Variants in NTM observed in about 807,000 individuals in gnomAD.
NTM encodes neurotrimin, also known as IgLON family member 2.
In NTM, 13 loss-of-function variants were observed where a neutral mutation model predicts 42.1. The observed-to-expected ratio is 0.31, with a 90% CI of 0.20 to 0.49. The LOEUF (loss-of-function observed/expected upper bound fraction) is 0.49. NTM is among the 20% of genes least tolerant of loss of function. The probability of loss-of-function intolerance (pLI) is 0.99; values close to 1 mark genes in which losing one functional copy is unlikely to be tolerated. For synonymous variants in NTM, 187 were observed against 179.2 expected, an observed-to-expected ratio of 1.04 and a Z score of -0.35; for missense variants, 373 against 452.8, an observed-to-expected ratio of 0.82 and a Z score of 1.60.
intron 1 of NTM, among the ~76,000 whole-genome samples, chr11:131,451,316 AT>A (rs533369628): frequency 1.8e-4 from 28 of 152,290 alleles, no homozygotes; most frequent in African/African-American, 6.5e-4. Context: ...ATAGATGAGT[AT>A]TTTCTCTGGA....
At chr11:132,016,479 T>G (rs1294160331) in intron 2 of NTM, among the ~76,000 whole-genome samples, 2 of 152,058 alleles carry the variant, frequency 1.3e-5, no homozygotes, top group Non-Finnish European at 2.9e-5. Flanking sequence ...TTTTTCATTT[T>G]CCTTCTTATT....
rs145313698 is a variant in NTM at position 131,908,157 on chromosome 11, C to T, written c.83-3407C>T. Among the ~76,000 whole-genome samples the T allele has an allele frequency of 4.8e-3, 724 of 152,272 alleles. 3 individuals are homozygous for T. The highest frequency in any genetic ancestry group is 6.5e-3 in the Non-Finnish European group (439 of 68,030). On this transcript the variant is annotated intron_variant, in intron 1 of 8. Coordinates refer to ENST00000683400, the MANE Select transcript of NTM (RefSeq NM_001352005.2). ...TGCTAAGCTTAGTGCTTTCCCTTCA[C>T]GGGCAGAGACAAAGATGGTTTGATT... is the stretch of plus-strand genomic sequence containing the variant.
intron 1 of NTM, among the ~76,000 whole-genome samples, chr11:131,713,959 C>T (rs1161853799): frequency 3.3e-5 from 5 of 152,164 alleles, no homozygotes; most frequent in South Asian, 4.1e-4. Flanking sequence ...GCATTCCGCA[C>T]GGGCAGTGGC....
At chr11:131,850,725 C>G (rs892163106) in intron 1 of NTM, among the ~76,000 whole-genome samples, 1 of 152,142 alleles carries the variant, frequency 6.6e-6, no homozygotes, top group Non-Finnish European at 1.5e-5. Context: ...CCAGGTCAGG[C>G]GGTGCCATCG....
At chr11:132,089,178 A>G (rs1247277481) in intron 2 of NTM, among the ~76,000 whole-genome samples, 1 of 152,232 alleles carries the variant, frequency 6.6e-6, no homozygotes, top group Non-Finnish European at 1.5e-5. Context: ...TTCAACAAGC[A>G]GGGTGCTCTG....
chr11:132,121,451 T>C (rs971261799), intron 2 of NTM, among the ~76,000 whole-genome samples: 1 of 152,102 alleles, frequency 6.6e-6, no homozygotes, highest in Non-Finnish European at 1.5e-5. Flanking sequence ...ATGCAGGAGA[T>C]GAGGGACAAA....
chr11:132,242,133 C>T (rs891056450), intron 4 of NTM, among the ~76,000 whole-genome samples: 3 of 152,204 alleles, frequency 2.0e-5, no homozygotes, highest in Admixed American at 6.5e-5. Flanking sequence ...ATTCAAGAGC[C>T]TTCAGTAGGC....
At chr11:132,250,978 G>C (rs756757623) in intron 4 of NTM, among the ~76,000 whole-genome samples, 1 of 152,060 alleles carries the variant, frequency 6.6e-6, no homozygotes, top group Non-Finnish European at 1.5e-5. Context: ...GAAAAATTTT[G>C]AGCCCTAAAA....
At chr11:132,172,690 G>A (rs1405162557) in intron 3 of NTM, among the ~76,000 whole-genome samples, 1 of 152,252 alleles carries the variant, frequency 6.6e-6, no homozygotes, top group African/African-American at 2.4e-5. Flanking sequence ...AGAGTTCCAG[G>A]TCACATAGGA....
intron 1 of NTM, among the ~76,000 whole-genome samples, chr11:131,732,444 C>T (rs931556155): frequency 6.6e-6 from 1 of 152,172 alleles, no homozygotes; most frequent in African/African-American, 2.4e-5. Context: ...CTGTCTTTCT[C>T]AGCCTCATTG....
chr11:132,182,755 A>G (rs1465807333), intron 3 of NTM, among the ~76,000 whole-genome samples: 5 of 152,204 alleles, frequency 3.3e-5, no homozygotes, highest in Admixed American at 6.5e-5. Flanking sequence ...CCTATGGAAT[A>G]AAATCCAAAG....
At chr11:132,237,588 C>CA (rs2089274860) in intron 4 of NTM, among the ~76,000 whole-genome samples, 3 of 152,208 alleles carry the variant, frequency 2.0e-5, no homozygotes. Flanking sequence ...AAGCCGCACT[C>CA]AGTCTCAGCA....
At chr11:132,281,006 C>T (rs2093954543) in intron 4 of NTM, among the ~76,000 whole-genome samples, 1 of 152,114 alleles carries the variant, frequency 6.6e-6, no homozygotes, top group Non-Finnish European at 1.5e-5. Flanking sequence ...TTTTTAAAAC[C>T]TCATTTTCTT....
At chr11:131,588,672 C>A (rs11222706) in intron 1 of NTM, among the ~76,000 whole-genome samples, 9,788 of 152,198 alleles carry the variant, frequency 0.064, 683 homozygotes, top group African/African-American at 0.18. Flanking sequence ...TATAATTTTA[C>A]TGAACATCAT....
intron 1 of NTM, among the ~76,000 whole-genome samples, chr11:131,593,522 C>T (rs1198209046): frequency 6.6e-6 from 1 of 152,140 alleles, no homozygotes; most frequent in Non-Finnish European, 1.5e-5. Flanking sequence ...CCCTGCCCCG[C>T]CCCCCTGCCA....
At chr11:131,504,721 A>G (rs448801) in intron 1 of NTM, among the ~76,000 whole-genome samples, 64,118 of 151,636 alleles carry the variant, frequency 0.42, 13,747 homozygotes, top group South Asian at 0.56. Context: ...GTGCCCTCAC[A>G]TGTCTGTCAG....
intron 7 of NTM, among the ~76,000 whole-genome samples, chr11:132,328,538 C>T (rs1184340360): frequency 6.6e-6 from 1 of 152,068 alleles, no homozygotes; most frequent in Non-Finnish European, 1.5e-5. Context: ...GGAATTTGTG[C>T]TTTCAATGCA....
At chr11:131,439,386 T>G (rs1015709459) in intron 1 of NTM, among the ~76,000 whole-genome samples, 21 of 152,194 alleles carry the variant, frequency 1.4e-4, no homozygotes, top group African/African-American at 4.6e-4. Context: ...TCTGCTGCCT[T>G]TTGTTCAGCT....
intron 1 of NTM, among the ~76,000 whole-genome samples, chr11:131,830,810 G>GT (rs1475616690): frequency 1.3e-5 from 2 of 152,146 alleles, no homozygotes; most frequent in Non-Finnish European, 2.9e-5. Context: ...AGCATGGACT[G>GT]TTTTTTCATT....
Sources: gnomAD v4.1 joint callset for allele counts (sites outside exome capture counted in the v4.1 genomes callset) on GRCh38, gnomAD v4.1.1 for gene constraint, MANE v1.5 for transcripts, NCBI Gene and HGNC (gene_info 2026-07-23, HGNC 2026-07-21) for gene names.